ELMOD3: variants seen among roughly 807,000 people sequenced by gnomAD.
ELMOD3 encodes the protein ELMO domain containing 3.
A neutral mutation model predicts 47.4 loss-of-function variants in ELMOD3; 36 were observed. The observed-to-expected ratio is 0.76, with a 90% confidence interval of 0.58 to 1.00. The LOEUF (loss-of-function observed/expected upper bound fraction) is 1.00. Among genes scored for constraint, ELMOD3 ranks in the 50% least tolerant of loss-of-function variants. ELMOD3 has a pLI of 0.00. For missense variants in ELMOD3, 404 were observed against 463.8 expected (o/e 0.87, Z 1.18); for synonymous variants, 149 against 183.5 (o/e 0.81, Z 1.52).
chr2:85,389,466 G>C, intron 11 of ELMOD3: 1 of 476,292 alleles, frequency 2.1e-6, no homozygotes, highest in Non-Finnish European at 3.8e-6. Flanking sequence ...GGATGATGAA[G>C]AGGCTGGAGA....
chr2:85,358,327 T>C (rs1334146121), intron 4 of ELMOD3, among the ~76,000 whole-genome samples: 1 of 151,726 alleles, frequency 6.6e-6, no homozygotes, highest in African/African-American at 2.4e-5. Flanking sequence ...GAGAAGGTCC[T>C]TATGCAGGCC....
At chr2:85,369,523 G>A (rs1684634440) in intron 7 of ELMOD3, among the ~76,000 whole-genome samples, 1 of 152,176 alleles carries the variant, frequency 6.6e-6, no homozygotes, top group Non-Finnish European at 1.5e-5. Context: ...CACCACAGAG[G>A]CTGACCTAGC....
At chr2:85,363,516 A>G (rs1378216296) in intron 6 of ELMOD3, among the ~76,000 whole-genome samples, 1 of 152,212 alleles carries the variant, frequency 6.6e-6, no homozygotes, top group Non-Finnish European at 1.5e-5. Flanking sequence ...TCCCCATACT[A>G]TATTTAAAGT....
chr2:85,360,695 G>A (rs1037345101), intron 4 of ELMOD3: 1 of 173,084 alleles, frequency 5.8e-6, no homozygotes, highest in African/African-American at 2.4e-5. Flanking sequence ...TTTTCTCTGA[G>A]ATTAAACTTT....
In ELMOD3 at chr2:85,362,273, C is replaced by G. The variant is rs758673968; in HGVS notation, c.129+13C>G. On this transcript the variant is annotated intron_variant, in intron 5 of 13. Transcript: ENST00000409013. ...CAGAGGAATCCCTGTATGTATCACC[C>G]ACAACTTGGTACCTTCTGCCAGGGC... 4 of 1,504,476 alleles carry G rather than the reference C, an allele frequency of 2.7e-6. No homozygotes were observed. In the African/African-American group the frequency reaches 4.1e-5, roughly 15 times the overall value. The allele number at this position is 1,504,476 out of a possible 1,614,324, so 93.2% of individuals were successfully genotyped here.
intron 1 of ELMOD3, 78 bp from the exon 2 acceptor site, chr2:85,354,998 C>T (rs981883040): frequency 6.4e-6 from 1 of 157,324 alleles, no homozygotes; most frequent in African/African-American, 2.4e-5. Flanking sequence ...AGACAGGAGT[C>T]CTGAGTTCTG....
At chr2:85,360,266 CAAAAA>C (rs753285939) in intron 4 of ELMOD3, among the ~76,000 whole-genome samples, 5 of 51,478 alleles carry the variant, frequency 9.7e-5, no homozygotes, top group Non-Finnish European at 1.7e-4. Flanking sequence ...AACTCCATCT[CAAAAA>C]AAAAAAAAAA....
Position 85,389,616 on chromosome 2 carries a change from A to G in ELMOD3, c.739-135A>G, listed in dbSNP as rs1465975291. 4.5e-6 allele frequency: 3 copies of G among 670,278 alleles called. No homozygotes were observed. In the Admixed American group the frequency reaches 7.7e-5, roughly 17 times the overall value. The allele number at this position is 670,278 out of a possible 1,614,324, so 41.5% of individuals were successfully genotyped here. A position where few individuals can be genotyped will look rare whatever the true frequency, so the allele number is the denominator to read the frequency against. Reference sequence around the variant, plus strand: ...AAGATGGGAAGAAGATTATTAGGAAAATTAAGTGGAAGCAATAATAATATC... The same window carrying G: ...AAGATGGGAAGAAGATTATTAGGAAGATTAAGTGGAAGCAATAATAATATC... On this transcript the variant is annotated intron_variant, in intron 11 of 13. Coordinates refer to ENST00000409013, the MANE Select transcript of ELMOD3 (RefSeq NM_001135022.2).
At chr2:85,367,710 AAAAG>A (rs1402531136) in intron 6 of ELMOD3, 1 of 152,210 alleles carries the variant, frequency 6.6e-6, no homozygotes, top group Non-Finnish European at 1.5e-5. Flanking sequence ...TTTAAAAACA[AAAAG>A]AAAAGAAAAA....
chr2:85,359,731 C>T (rs1179325199), intron 4 of ELMOD3, among the ~76,000 whole-genome samples: 1 of 151,974 alleles, frequency 6.6e-6, no homozygotes, highest in East Asian at 1.9e-4. Flanking sequence ...TGCCTGGTGA[C>T]GTTTTTCTGT....
At chr2:85,381,934 G>T (rs916127419) in intron 11 of ELMOD3, among the ~76,000 whole-genome samples, 1 of 151,660 alleles carries the variant, frequency 6.6e-6, no homozygotes, top group Non-Finnish European at 1.5e-5. Context: ...TGGCCAACAC[G>T]GTGAAACCCC....
intron 13 of ELMOD3, 43 bp downstream of exon 13, chr2:85,390,308 G>T: frequency 6.2e-7 from 1 of 1,614,138 alleles, no homozygotes; most frequent in Non-Finnish European, 8.5e-7. Context: ...AATGCACAGT[G>T]TCCCAGGTCC....
chr2:85,357,362 T>C (rs1212836778), intron 4 of ELMOD3, 110 bp downstream of exon 4: 3 of 639,428 alleles, frequency 4.7e-6, no homozygotes, highest in Non-Finnish European at 7.8e-6. Context: ...ACCCTCATTA[T>C]AGTTCTCTTT....
chr2:85,387,112 A>C, intron 11 of ELMOD3: 1 of 1,301,706 alleles, frequency 7.7e-7, no homozygotes, highest in Non-Finnish European at 1.0e-6. Context: ...AAAGAAATCA[A>C]GGGAAGGGAT....
intron 6 of ELMOD3, 64 bp from the exon 7 acceptor site, chr2:85,368,622 G>C: frequency 6.5e-7 from 1 of 1,549,528 alleles, no homozygotes; most frequent in Non-Finnish European, 8.9e-7. Flanking sequence ...CAAGGCTGGG[G>C]TCTGCAGTAG....
intron 6 of ELMOD3, among the ~76,000 whole-genome samples, chr2:85,364,730 G>A (rs1684230265): frequency 7.0e-6 from 1 of 143,666 alleles, no homozygotes; most frequent in African/African-American, 2.6e-5. Context: ...CATCTGTGAA[G>A]TTTCTTTTAA....
intron 10 of ELMOD3, among the ~76,000 whole-genome samples, chr2:85,373,300 A>T (rs539873619): frequency 1.3e-5 from 2 of 152,210 alleles, no homozygotes; most frequent in East Asian, 3.9e-4. Context: ...CCCCTAATTA[A>T]CTGGTGGTCT....
chr2:85,369,401 TAAAC>T (rs1018311221), intron 7 of ELMOD3, among the ~76,000 whole-genome samples: 4 of 152,180 alleles, frequency 2.6e-5, no homozygotes, highest in Admixed American at 6.5e-5. Context: ...GAAAGGCCCT[TAAAC>T]AAACTGGTTG....
chr2:85,389,734 G>C lies in ELMOD3; in HGVS notation c.739-17G>C. On this transcript the variant is annotated splice_polypyrimidine_tract_variant and intron_variant, in intron 11 of 13. Transcript: ENST00000409013. The stretch of plus-strand genomic sequence containing the variant: ...GAGAGCTGGAGTTGCTGCTGACTGG[G>C]TGCCCCTCCATTCCAGCAATTCCCT... 6.2e-7 allele frequency: 1 copy of C among 1,612,894 alleles called. No homozygotes were observed.
Sources: gnomAD v4.1 joint callset for allele counts (sites outside exome capture counted in the v4.1 genomes callset) on GRCh38, gnomAD v4.1.1 for gene constraint, MANE v1.5 for transcripts, NCBI Gene and HGNC (gene_info 2026-07-23, HGNC 2026-07-21) for gene names.